Variants in SLC25A21 observed in about 807,000 individuals in gnomAD.
SLC25A21 encodes solute carrier family 25 member 21.
A neutral mutation model predicts 43.8 loss-of-function variants in SLC25A21; 47 were observed. The observed-to-expected ratio is 1.07, with a 90% CI of 0.85 to 1.37. The LOEUF is 1.37. SLC25A21 is among the 40% of genes most tolerant of loss of function. The probability of loss-of-function intolerance (pLI) is 0.00; values close to 1 mark genes in which losing one functional copy is unlikely to be tolerated. For missense variants in SLC25A21, 352 were observed against 350.2 expected, an observed-to-expected ratio of 1.00 and a Z score of -0.04; for synonymous variants, 131 against 121.3, an observed-to-expected ratio of 1.08 and a Z score of -0.52.
chr14:36,855,222 C>T (rs1032345302), intron 2 of SLC25A21, among the ~76,000 whole-genome samples: 3 of 151,732 alleles, frequency 2.0e-5, no homozygotes, highest in African/African-American at 7.3e-5. Flanking sequence ...TAAGGACTTC[C>T]TGACGCTTAG....
At chr14:36,925,234 A>G (rs957801425) in intron 1 of SLC25A21, among the ~76,000 whole-genome samples, 4 of 152,220 alleles carry the variant, frequency 2.6e-5, no homozygotes, top group African/African-American at 9.6e-5. Context: ...ACCCAAACAT[A>G]TCAAATAATT....
chr14:37,146,882 G>T (rs962567834), intron 1 of SLC25A21, among the ~76,000 whole-genome samples: 1 of 152,260 alleles, frequency 6.6e-6, no homozygotes, highest in Non-Finnish European at 1.5e-5. Context: ...AAAAATGCAG[G>T]TATTTTCCAA....
intron 1 of SLC25A21, among the ~76,000 whole-genome samples, chr14:37,067,883 T>C (rs1962092993): frequency 6.6e-6 from 1 of 152,246 alleles, no homozygotes; most frequent in Non-Finnish European, 1.5e-5. Flanking sequence ...AAGAACAAAA[T>C]ATAAATAGAA....
chr14:36,763,027 A>G (rs1886223744), intron 3 of SLC25A21, among the ~76,000 whole-genome samples: 1 of 152,228 alleles, frequency 6.6e-6, no homozygotes, highest in Admixed American at 6.5e-5. Flanking sequence ...TCATGTCATA[A>G]TTATCTTCCT....
At chr14:36,729,600 C>G in intron 4 of SLC25A21, 34 bp from the exon 5 acceptor site, 4 of 1,571,746 alleles carry the variant, frequency 2.5e-6, no homozygotes, top group Non-Finnish European at 3.5e-6. Context: ...AGATTTATAA[C>G]AATTTTCCTG....
intron 1 of SLC25A21, among the ~76,000 whole-genome samples, chr14:36,932,990 G>C (rs1892332519): frequency 1.3e-5 from 2 of 152,074 alleles, no homozygotes; most frequent in African/African-American, 2.4e-5. Context: ...ATAAATGTTA[G>C]GCATTGTTGT....
At chr14:37,057,783 CTCCTTTTG>C (rs1961862416) in intron 1 of SLC25A21, among the ~76,000 whole-genome samples, 1 of 151,974 alleles carries the variant, frequency 6.6e-6, no homozygotes, top group Admixed American at 6.6e-5. Context: ...CAATATGTGC[CTCCTTTTG>C]TCATTTTGAG....
intron 6 of SLC25A21, among the ~76,000 whole-genome samples, chr14:36,717,027 G>A (rs1026649281): frequency 2.0e-5 from 3 of 152,168 alleles, no homozygotes; most frequent in Non-Finnish European, 4.4e-5. Flanking sequence ...ACACAATGGA[G>A]TGAGTGTCCA....
At chr14:36,731,761 G>A (rs1884836360) in intron 4 of SLC25A21, among the ~76,000 whole-genome samples, 1 of 152,156 alleles carries the variant, frequency 6.6e-6, no homozygotes, top group Admixed American at 6.5e-5. Context: ...CTGAACACTT[G>A]AGGGGTCCCT....
chr14:37,062,441 C>T lies in SLC25A21; in HGVS notation c.70+109840G>A, dbSNP rs150328182. Among the ~76,000 whole-genome samples, 419 of 151,984 alleles carry T rather than the reference C, an allele frequency of 2.8e-3. 1 individual carries two copies. Among genetic ancestry groups the T allele is most frequent in the Middle Eastern group, 0.017 (5 of 294 alleles). Reference sequence around the variant, plus strand: ...AAATGCAAACCACGTAACCTCCACTCATATATTCGCAAAATAATTTTTTTT... The same window carrying T: ...AAATGCAAACCACGTAACCTCCACTTATATATTCGCAAAATAATTTTTTTT... On this transcript the variant is annotated intron_variant, in intron 1 of 9. Transcript: ENST00000331299.
At chr14:36,809,398 G>A (rs1888154201) in intron 3 of SLC25A21, among the ~76,000 whole-genome samples, 1 of 152,236 alleles carries the variant, frequency 6.6e-6, no homozygotes, top group Admixed American at 6.5e-5. Context: ...TCCTTACTTG[G>A]AGTTTGGAAT....
intron 2 of SLC25A21, among the ~76,000 whole-genome samples, chr14:36,873,334 C>G (rs1298242394): frequency 6.6e-6 from 1 of 152,026 alleles, no homozygotes. Context: ...CTTGCTCTGT[C>G]GCCCAAGCTG....
intron 3 of SLC25A21, among the ~76,000 whole-genome samples, chr14:36,795,766 T>TC (rs1412919280): frequency 6.6e-6 from 1 of 152,164 alleles, no homozygotes; most frequent in East Asian, 1.9e-4. Flanking sequence ...AGGCTGAGAC[T>TC]CCTGTCACAA....
chr14:37,134,951 C>T lies in SLC25A21; in HGVS notation c.70+37330G>A, dbSNP rs572744194. Among the ~76,000 whole-genome samples, 724 of 149,218 alleles carry T rather than the reference C, an allele frequency of 4.9e-3. 8 individuals are homozygous for T. The highest frequency in any genetic ancestry group is 0.017 in the African/African-American group (675 of 40,526). On this transcript the variant is annotated intron_variant, in intron 1 of 9. Transcript: ENST00000331299. ...CTACTTTTTTTTTTTTTTTTGAGAC[C>T]GAGTCTCACTCCGTCACCCAGGCTG...
At chr14:36,885,156 G>A (rs1452595431) in intron 1 of SLC25A21, among the ~76,000 whole-genome samples, 1 of 152,150 alleles carries the variant, frequency 6.6e-6, no homozygotes, top group Admixed American at 6.6e-5. Context: ...GTGAGATAAG[G>A]ATCAAATTTC....
At chr14:37,161,925 T>C (rs903133555) in intron 1 of SLC25A21, among the ~76,000 whole-genome samples, 4 of 127,496 alleles carry the variant, frequency 3.1e-5, no homozygotes, top group African/African-American at 1.2e-4. Flanking sequence ...ATCGCCTCAA[T>C]GCACTCCGGC....
intron 2 of SLC25A21, among the ~76,000 whole-genome samples, chr14:36,823,305 G>A (rs1888701491): frequency 6.6e-6 from 1 of 151,930 alleles, no homozygotes; most frequent in African/African-American, 2.4e-5. Flanking sequence ...AGCATAAACT[G>A]GTCTCCATTA....
intron 4 of SLC25A21, among the ~76,000 whole-genome samples, chr14:36,732,727 C>T (rs912336487): frequency 2.0e-5 from 3 of 151,810 alleles, no homozygotes; most frequent in Non-Finnish European, 2.9e-5. Context: ...TGTATGAAAT[C>T]GTTAAAATCA....
At chr14:36,813,802 A>C (rs1232345984) in intron 3 of SLC25A21, 116 bp downstream of exon 3, 1 of 700,984 alleles carries the variant, frequency 1.4e-6, no homozygotes. Context: ...AACAAAGTAG[A>C]AAGGTACCCT....
Sources: gnomAD v4.1 joint callset for allele counts (sites outside exome capture counted in the v4.1 genomes callset) on GRCh38, gnomAD v4.1.1 for gene constraint, MANE v1.5 for transcripts, NCBI Gene and HGNC (gene_info 2026-07-23, HGNC 2026-07-21) for gene names.